Variants in LMX1A observed in about 807,000 individuals in gnomAD.
LMX1A encodes the protein LIM homeobox transcription factor 1 alpha, also known as LIM homeobox transcription factor 1-alpha.
A neutral mutation model predicts 49.1 loss-of-function variants in LMX1A; 15 were observed. The ratio of observed to expected loss-of-function variants is 0.31; its 90% confidence interval spans 0.20 to 0.47. The LOEUF is 0.47. LMX1A is among the 20% of genes least tolerant of loss of function. The pLI, the probability that LMX1A is intolerant of heterozygous loss-of-function variation, is 1.00. For synonymous variants in LMX1A, 167 were observed against 185.7 expected (o/e 0.90, Z 0.82); for missense variants, 372 against 475.8 (o/e 0.78, Z 2.03).
At chr1:165,288,509 C>T (rs546792466) in intron 3 of LMX1A, among the ~76,000 whole-genome samples, 37 of 152,272 alleles carry the variant, frequency 2.4e-4, no homozygotes, top group South Asian at 1.5e-3. Context: ...CAACGTGAAG[C>T]CTGTGCTAGA....
At chr1:165,337,255 A>T (rs1655925400) in intron 3 of LMX1A, among the ~76,000 whole-genome samples, 2 of 152,224 alleles carry the variant, frequency 1.3e-5, no homozygotes. Context: ...TACTCTAAAC[A>T]TAACAATATC....
intron 3 of LMX1A, among the ~76,000 whole-genome samples, chr1:165,272,488 C>A (rs572138656): frequency 1.3e-5 from 2 of 152,282 alleles, no homozygotes; most frequent in East Asian, 3.9e-4. Context: ...CCCCCTCAGT[C>A]TGTTTCCACC....
At chr1:165,209,290 T>G (rs1200958033) in intron 6 of LMX1A, among the ~76,000 whole-genome samples, 1 of 152,238 alleles carries the variant, frequency 6.6e-6, no homozygotes, top group Non-Finnish European at 1.5e-5. Flanking sequence ...AAAGCATATA[T>G]TTGGTCGTTG....
chr1:165,258,711 A>T (rs1485635865), intron 3 of LMX1A, among the ~76,000 whole-genome samples: 1 of 152,164 alleles, frequency 6.6e-6, no homozygotes, highest in African/African-American at 2.4e-5. Context: ...TTCATCTATC[A>T]CAAATGTTGC....
chr1:165,354,892 G>A (rs1447537461), intron 2 of LMX1A, among the ~76,000 whole-genome samples: 3 of 152,086 alleles, frequency 2.0e-5, no homozygotes, highest in Non-Finnish European at 2.9e-5. Flanking sequence ...CTCCTCCTCT[G>A]TCGCTGCAAA....
At chr1:165,306,700 G>T (rs1654929046) in intron 3 of LMX1A, among the ~76,000 whole-genome samples, 1 of 152,190 alleles carries the variant, frequency 6.6e-6, no homozygotes, top group Admixed American at 6.5e-5. Flanking sequence ...GTCAGCACAG[G>T]ATGGGCTCTG....
rs115238939 is a variant in LMX1A, at chr1:165,282,174, C to T, written c.264-32534G>A. ...TTCAGCCTCATGGTTTTCAATACCA[C>T]CTATAGCCTGATAAATCCCAAATCT... is the stretch of plus-strand genomic sequence containing the variant. On this transcript the variant is annotated intron_variant, in intron 3 of 8. Coordinates refer to ENST00000342310, the MANE Select transcript of LMX1A (RefSeq NM_177398.4). Among the ~76,000 whole-genome samples the T allele has an allele frequency of 3.7e-3, 563 of 152,314 alleles. 5 individuals carry two copies. Among genetic ancestry groups the T allele is most frequent in the African/African-American group, 0.013 (544 of 41,574 alleles).
chr1:165,241,894 A>C (rs1223028209), intron 4 of LMX1A, among the ~76,000 whole-genome samples: 1 of 152,206 alleles, frequency 6.6e-6, no homozygotes, highest in South Asian at 2.1e-4. Flanking sequence ...GAGGAGAAAG[A>C]GACGTATTAC....
chr1:165,202,154 T>C lies in LMX1A; in HGVS notation c.*1726A>G, dbSNP rs1433291598. 2 of 152,596 alleles carry C rather than the reference T, an allele frequency of 1.3e-5. No homozygotes were observed. The highest frequency in any genetic ancestry group is 2.4e-5 in the African/African-American group (1 of 41,448). 9.5% of individuals were successfully genotyped at this position (152,596 alleles called of 1,614,324 possible). On this transcript the variant is annotated 3_prime_UTR_variant, in exon 9 of 9. Coordinates refer to ENST00000342310, the MANE Select transcript of LMX1A (RefSeq NM_177398.4). The stretch of plus-strand genomic sequence containing the variant: ...TGCCAGAGTGATAGGGACGTGTCTC[T>C]GTGTTCAAGTCTCCAATGATGTCCC...
At chr1:165,231,007 A>C (rs1444572704) in intron 4 of LMX1A, among the ~76,000 whole-genome samples, 1 of 152,244 alleles carries the variant, frequency 6.6e-6, no homozygotes, top group African/African-American at 2.4e-5. Context: ...AATATTTGTT[A>C]ATAAAACATT....
intron 4 of LMX1A, among the ~76,000 whole-genome samples, chr1:165,240,819 A>G (rs545016161): frequency 6.6e-6 from 1 of 152,332 alleles, no homozygotes; most frequent in South Asian, 2.1e-4. Context: ...GATGGGAGAC[A>G]TACCATCACC....
chr1:165,345,627 A>G (rs1656219030), intron 3 of LMX1A, among the ~76,000 whole-genome samples: 1 of 152,180 alleles, frequency 6.6e-6, no homozygotes, highest in African/African-American at 2.4e-5. Context: ...GGTTACCCAA[A>G]GAGTAATGGA....
Position 165,204,557 on chromosome 1 carries a change from TTTAC to T in LMX1A, c.989-521_989-518del, listed in dbSNP as rs537136530. On this transcript the variant is annotated intron_variant, in intron 8 of 8. Coordinates refer to ENST00000342310, the MANE Select transcript of LMX1A (RefSeq NM_177398.4). ...AGGTTAGGTGCCTACCTTCAACTAA[TTTAC>T]ACCTTTGATAGGGAAGCCAGTAGGG... Among the ~76,000 whole-genome samples the T allele has an allele frequency of 2.8e-3, 429 of 152,322 alleles. 3 individuals carry two copies. The highest frequency in any genetic ancestry group is 9.8e-3 in the African/African-American group (408 of 41,576).
chr1:165,273,281 A>G (rs1445884668), intron 3 of LMX1A, among the ~76,000 whole-genome samples: 2 of 152,198 alleles, frequency 1.3e-5, no homozygotes, highest in Non-Finnish European at 1.5e-5. Flanking sequence ...AAGCCCTTCC[A>G]AGAAGTGACT....
chr1:165,260,968 G>A (rs1387190994), intron 3 of LMX1A, among the ~76,000 whole-genome samples: 4 of 152,156 alleles, frequency 2.6e-5, no homozygotes, highest in African/African-American at 9.7e-5. Flanking sequence ...TAATTGAGAA[G>A]GGGGTCAAAT....
At chr1:165,323,339 T>A (rs1655477186) in intron 3 of LMX1A, among the ~76,000 whole-genome samples, 1 of 152,210 alleles carries the variant, frequency 6.6e-6, no homozygotes, top group Non-Finnish European at 1.5e-5. Context: ...TGCCACTGTT[T>A]CCCAAGCTTC....
intron 3 of LMX1A, among the ~76,000 whole-genome samples, chr1:165,265,038 C>T (rs193277280): frequency 1.4e-4 from 22 of 151,986 alleles, no homozygotes; most frequent in South Asian, 1.3e-3. Context: ...CCTGTCTCTA[C>T]TAAAAATGCA....
chr1:165,230,393 C>T (rs1452608624), intron 4 of LMX1A, among the ~76,000 whole-genome samples: 1 of 150,050 alleles, frequency 6.7e-6, no homozygotes, highest in African/African-American at 2.4e-5. Context: ...GTCACTTAGG[C>T]AATGCCCAAG....
At chr1:165,261,324 T>TC (rs775074701) in intron 3 of LMX1A, among the ~76,000 whole-genome samples, 64 of 152,250 alleles carry the variant, frequency 4.2e-4, no homozygotes, top group Middle Eastern at 3.4e-3. Flanking sequence ...CAACTCTCCT[T>TC]CCATCCACTA....
Sources: gnomAD v4.1 joint callset for allele counts (sites outside exome capture counted in the v4.1 genomes callset) on GRCh38, gnomAD v4.1.1 for gene constraint, MANE v1.5 for transcripts, NCBI Gene and HGNC (gene_info 2026-07-23, HGNC 2026-07-21) for gene names.